The following SLC6A6 variants were observed in gnomAD, a reference collection of about 807,000 sequenced individuals.
SLC6A6 encodes sodium- and chloride-dependent taurine transporter.
In SLC6A6, 16 loss-of-function variants were observed where a neutral mutation model predicts 68.8. The observed-to-expected ratio is 0.23, with a 90% CI of 0.16 to 0.35. SLC6A6 has a LOEUF of 0.35. Among genes scored for constraint, SLC6A6 ranks in the 10% least tolerant of loss-of-function variants. SLC6A6 has a pLI of 1.00. For synonymous variants in SLC6A6, 312 were observed against 315.4 expected, an observed-to-expected ratio of 0.99 and a Z score of 0.12; for missense variants, 474 against 802.8, an observed-to-expected ratio of 0.59 and a Z score of 4.95.
At chr3:14,465,658 G>A (rs1000944706) in intron 6 of SLC6A6, among the ~76,000 whole-genome samples, 3 of 152,174 alleles carry the variant, frequency 2.0e-5, no homozygotes, top group Non-Finnish European at 4.4e-5. Context: ...ATGAGGGGAC[G>A]GAGCTGGGAT....
intron 1 of SLC6A6, among the ~76,000 whole-genome samples, chr3:14,405,269 C>T (rs1202479236): frequency 6.6e-6 from 1 of 152,172 alleles, no homozygotes; most frequent in Admixed American, 6.5e-5. Flanking sequence ...CCCCTGAGCC[C>T]TGCTACCCAT....
chr3:14,405,806 C>G (rs542287482), intron 1 of SLC6A6, among the ~76,000 whole-genome samples: 47 of 152,316 alleles, frequency 3.1e-4, no homozygotes, highest in African/African-American at 1.1e-3. Flanking sequence ...AAGGTCAGCT[C>G]TGGGCTGGCA....
chr3:14,409,606 C>T (rs769586257), intron 1 of SLC6A6, among the ~76,000 whole-genome samples: 7 of 152,202 alleles, frequency 4.6e-5, no homozygotes, highest in Non-Finnish European at 1.0e-4. Flanking sequence ...GGGCCAGGGC[C>T]AAGAGGGCAG....
chr3:14,460,551 G>C (rs1481301479), intron 6 of SLC6A6, among the ~76,000 whole-genome samples: 1 of 152,140 alleles, frequency 6.6e-6, no homozygotes, highest in Non-Finnish European at 1.5e-5. Context: ...CAGACCCTTG[G>C]GGAGCACCCA....
At position 14,481,866 on chromosome 3, in the gene SLC6A6, G is replaced by A; in HGVS notation, c.1722+25G>A. The A allele has an allele frequency of 6.2e-7, 1 of 1,601,806 alleles. No homozygotes were observed. Among genetic ancestry groups the A allele is most frequent in the Non-Finnish European group, 8.5e-7 (1 of 1,171,100 alleles). ...GGTAAGTGCTTGGGCCCAGGGCCAGGGGAGGTGGGAGGCGCGAGGCCAAAG... is the reference window on the plus strand; with the variant it reads ...GGTAAGTGCTTGGGCCCAGGGCCAGAGGAGGTGGGAGGCGCGAGGCCAAAG... On this transcript the variant is annotated intron_variant, in intron 14 of 14. Coordinates refer to ENST00000622186, the MANE Select transcript of SLC6A6 (RefSeq NM_003043.6). This position sits in a 1 kb window ranked among gnomAD's most constrained non-coding sequence, Gnocchi z 4.7.
intron 9 of SLC6A6, among the ~76,000 whole-genome samples, chr3:14,471,800 G>A (rs1700757893): frequency 2.0e-5 from 3 of 152,190 alleles, no homozygotes; most frequent in South Asian, 2.1e-4. Context: ...AGGAGACTGG[G>A]CGGTCAGGTC....
At chr3:14,466,391 C>T (rs191338893) in intron 6 of SLC6A6, 125 bp from the exon 7 acceptor site, 2 of 1,113,764 alleles carry the variant, frequency 1.8e-6, no homozygotes, top group East Asian at 2.5e-5. Flanking sequence ...GCAAGTAAGA[C>T]AGCAAACCTG....
At position 14,477,098 on chromosome 3, in the gene SLC6A6, T is replaced by G; in HGVS notation, c.1210-107T>G. ...AGGCCAATTCTGGACACAAGGATGGTCACGTCTGCTCCTGCATTGTGTGTT... is the reference window on the plus strand; with the variant it reads ...AGGCCAATTCTGGACACAAGGATGGGCACGTCTGCTCCTGCATTGTGTGTT... On this transcript the variant is annotated intron_variant, in intron 10 of 14. Coordinates refer to ENST00000622186, the MANE Select transcript of SLC6A6 (RefSeq NM_003043.6). This position sits in a 1 kb window ranked among gnomAD's most constrained non-coding sequence, Gnocchi z 4.2. 1 of 1,027,378 alleles carries G rather than the reference T, an allele frequency of 9.7e-7. No homozygotes were observed. The highest frequency in any genetic ancestry group is 2.0e-5 in the Admixed American group (1 of 49,476). 63.6% of individuals were successfully genotyped at this position (1,027,378 alleles called of 1,614,324 possible). A position where few individuals can be genotyped will look rare whatever the true frequency, so the allele number is the denominator to read the frequency against.
At chr3:14,467,299 A>G (rs955070116) in intron 7 of SLC6A6, among the ~76,000 whole-genome samples, 1 of 152,096 alleles carries the variant, frequency 6.6e-6, no homozygotes, top group Non-Finnish European at 1.5e-5. Flanking sequence ...GCCTTGGAGG[A>G]CAGCTGGGAA....
rs1011112011 is a variant in SLC6A6, at chr3:14,446,009, G to A, written c.364+158G>A. Among the ~76,000 whole-genome samples, 15 of 152,188 alleles carry A rather than the reference G, an allele frequency of 9.9e-5. No individual in the cohort carries two copies. In the East Asian group the frequency reaches 1.2e-3, roughly 12 times the overall value. ...AGCCAGTACAGTACCAGTGTGATGC[G>A]GATGCTGCTGCTTAGGAGTACGGGG... On this transcript the variant is annotated intron_variant, in intron 4 of 14. Transcript: ENST00000622186.
Position 14,485,104 on chromosome 3 carries a change from ATTTT to A in SLC6A6, c.*107_*110del. On this transcript the variant is annotated 3_prime_UTR_variant, in exon 15 of 15. Coordinates refer to ENST00000622186, the MANE Select transcript of SLC6A6 (RefSeq NM_003043.6). ...TACAGAGCTTTATATTTGCACTAGG[ATTTT>A]TTTTTTTTTGTAATTGTCACAGAAA... 1.3e-6 allele frequency: 1 copy of A among 778,230 alleles called. No homozygotes were observed. The highest frequency in any genetic ancestry group is 1.9e-6 in the Non-Finnish European group (1 of 527,038). The allele number at this position is 778,230 out of a possible 1,614,324, so 48.2% of individuals were successfully genotyped here. A position where few individuals can be genotyped will look rare whatever the true frequency, so the allele number is the denominator to read the frequency against.
At chr3:14,453,743 G>A (rs1700305045) in intron 5 of SLC6A6, among the ~76,000 whole-genome samples, 1 of 152,254 alleles carries the variant, frequency 6.6e-6, no homozygotes, top group African/African-American at 2.4e-5. Context: ...GAAGGACAGT[G>A]ACCAGGGATG....
At position 14,443,639 on chromosome 3, in the gene SLC6A6, C is replaced by G; in HGVS notation, c.5C>G (p.Ala2Gly). 1 of 1,608,380 alleles carries G rather than the reference C, an allele frequency of 6.2e-7. No homozygotes were observed. The highest frequency in any genetic ancestry group is 8.5e-7 in the Non-Finnish European group (1 of 1,175,470). The change falls in exon 3 of 15, where the codon GCC becomes GGC. Residue 2 changes from alanine to glycine, a missense_variant. Transcript: ENST00000622186. Reference sequence around the variant, plus strand: ...TCCCCCATAGAAAGCAAGGAGATGGCCACCAAGGAGAAGCTGCAGTGTCTG... The same window carrying G: ...TCCCCCATAGAAAGCAAGGAGATGGGCACCAAGGAGAAGCTGCAGTGTCTG... M[A>G]TKEKLQCLKD...
At chr3:14,446,802 A>G (rs188677036) in intron 4 of SLC6A6, among the ~76,000 whole-genome samples, 1 of 152,372 alleles carries the variant, frequency 6.6e-6, no homozygotes, top group East Asian at 1.9e-4. Flanking sequence ...CACAGTCAGC[A>G]TCAAATGAAT....
intron 1 of SLC6A6, among the ~76,000 whole-genome samples, chr3:14,414,529 T>C (rs1207587243): frequency 6.6e-6 from 1 of 151,956 alleles, no homozygotes; most frequent in Non-Finnish European, 1.5e-5. Context: ...TTCTTTTTTT[T>C]TTCTTTTTTT....
intron 2 of SLC6A6, among the ~76,000 whole-genome samples, chr3:14,436,010 C>G (rs1394616566): frequency 6.6e-6 from 1 of 152,200 alleles, no homozygotes; most frequent in Non-Finnish European, 1.5e-5. Context: ...GCTCGCCACG[C>G]TTGAGTTAGC....
intron 2 of SLC6A6, among the ~76,000 whole-genome samples, chr3:14,419,900 C>G (rs764705517): frequency 6.6e-6 from 1 of 152,084 alleles, no homozygotes; most frequent in Non-Finnish European, 1.5e-5. Flanking sequence ...AGATTCTTAA[C>G]AGGGAGACCC....
chr3:14,403,423 G>A (rs962088255), intron 1 of SLC6A6, among the ~76,000 whole-genome samples: 4 of 152,214 alleles, frequency 2.6e-5, no homozygotes, highest in African/African-American at 9.6e-5. Flanking sequence ...GTCCCTGAGT[G>A]TGGTTGTGTC....
chr3:14,421,773 G>A (rs1436758523), intron 2 of SLC6A6, among the ~76,000 whole-genome samples: 1 of 152,178 alleles, frequency 6.6e-6, no homozygotes, highest in Non-Finnish European at 1.5e-5. Context: ...TGAGAAACTG[G>A]AAGTCAGCCA....
Sources: allele counts gnomAD v4.1 joint callset (sites outside exome capture counted in the v4.1 genomes callset), GRCh38; gene constraint gnomAD v4.1.1; non-coding constraint Gnocchi (gnomAD v3.1); transcripts MANE v1.5; gene names NCBI Gene and HGNC (gene_info 2026-07-23, HGNC 2026-07-21).